NKAIN3: variants seen among roughly 807,000 people sequenced by gnomAD.
The protein encoded by NKAIN3 is sodium/potassium-transporting ATPase subunit beta-1-interacting protein 3.
Under a neutral mutation model 30.2 loss-of-function variants are expected in NKAIN3, and 25 were observed. That is an observed-to-expected ratio of 0.83 (90% CI 0.60 to 1.16). The LOEUF is 1.16. Ranked by LOEUF, NKAIN3 falls within the 50% of genes most tolerant of loss-of-function variation. NKAIN3 has a pLI of 0.00. For synonymous variants in NKAIN3, 91 were observed against 89.6 expected, an observed-to-expected ratio of 1.02 and a Z score of -0.09; for missense variants, 225 against 254.1, an observed-to-expected ratio of 0.89 and a Z score of 0.78.
At chr8:62,368,548 C>G (rs1176582201) in intron 1 of NKAIN3, among the ~76,000 whole-genome samples, 2 of 10,424 alleles carry the variant, frequency 1.9e-4, no homozygotes, top group East Asian at 0.025. Context: ...AAAACCACCA[C>G]AAATACAGCT....
rs1823910743 is a variant in NKAIN3, at chr8:62,974,908, A to G, written c.*9501A>G. Among the ~76,000 whole-genome samples, 1 of 152,202 alleles carries G rather than the reference A, an allele frequency of 6.6e-6. No homozygotes were observed. Among genetic ancestry groups the G allele is most frequent in the Non-Finnish European group, 1.5e-5 (1 of 68,038 alleles). On this transcript the variant is annotated 3_prime_UTR_variant, in exon 7 of 7. Transcript: ENST00000623646. ...TTTGTCGAAGGCCTTTTCCGCATCT[A>G]TTGAGATAATCATGTGGTTTTTGTC...
At chr8:62,987,891 C>T (rs1244763756), downstream of NKAIN3, among the ~76,000 whole-genome samples, 1 of 152,190 alleles carries the variant, frequency 6.6e-6, no homozygotes, top group East Asian at 1.9e-4. Context: ...GGCAAATCCC[C>T]TCTGCCTATG....
chr8:62,437,634 G>T (rs1025571513), intron 1 of NKAIN3, among the ~76,000 whole-genome samples: 1 of 152,090 alleles, frequency 6.6e-6, no homozygotes, highest in Admixed American at 6.6e-5. Context: ...CAACATTTTA[G>T]AATTATTCAG....
Position 62,968,655 on chromosome 8 carries a change from A to T in NKAIN3, c.*3248A>T, listed in dbSNP as rs1046481882. ...CTTCTAGTGCTGACTGGAATGGTGA[A>T]CATTTAAAGCCAGTGTTTTTCCTCT... is the stretch of plus-strand genomic sequence containing the variant. On this transcript the variant is annotated 3_prime_UTR_variant, in exon 7 of 7. Transcript: ENST00000623646. Among the ~76,000 whole-genome samples the T allele has an allele frequency of 3.3e-5, 5 of 152,202 alleles. No individual in the cohort carries two copies. Among genetic ancestry groups the T allele is most frequent in the African/African-American group, 1.2e-4 (5 of 41,454 alleles).
chr8:62,623,464 A>C (rs1243309215), intron 3 of NKAIN3, among the ~76,000 whole-genome samples: 2 of 152,116 alleles, frequency 1.3e-5, no homozygotes, highest in African/African-American at 4.8e-5. Flanking sequence ...ACTTATACAT[A>C]AGTATATGCT....
chr8:62,494,116 A>G (rs181879961), intron 1 of NKAIN3, among the ~76,000 whole-genome samples: 1 of 152,118 alleles, frequency 6.6e-6, no homozygotes, highest in East Asian at 1.9e-4. Context: ...TTCAAGGGAA[A>G]TGTTTCTAGC....
At chr8:62,424,939 G>T (rs1257984567) in intron 1 of NKAIN3, among the ~76,000 whole-genome samples, 1 of 151,786 alleles carries the variant, frequency 6.6e-6, no homozygotes, top group Admixed American at 6.6e-5. Flanking sequence ...TACATACAAT[G>T]AATTATTATT....
intron 4 of NKAIN3, among the ~76,000 whole-genome samples, chr8:62,757,982 A>G (rs1004860213): frequency 1.3e-5 from 2 of 152,184 alleles, no homozygotes; most frequent in Admixed American, 1.3e-4. Context: ...TCAGATATGC[A>G]GAAACAAGTA....
At chr8:62,411,815 A>G (rs1032721549) in intron 1 of NKAIN3, among the ~76,000 whole-genome samples, 1 of 152,202 alleles carries the variant, frequency 6.6e-6, no homozygotes, top group Non-Finnish European at 1.5e-5. Context: ...AATAGCAACA[A>G]AGAAAATGAA....
rs890483453 is a variant in NKAIN3 at position 62,966,355 on chromosome 8, C to A, written c.*948C>A. 1.0e-6 allele frequency: 1 copy of A among 984,742 alleles called. No homozygotes were observed. The highest frequency in any genetic ancestry group is 1.7e-5 in the African/African-American group (1 of 57,304). The allele number at this position is 984,742 out of a possible 1,614,324, so 61.0% of individuals were successfully genotyped here. ...TCTTTCTCCTACCCCTTCCCAATAA[C>A]CAAGAAAATGATATGGGAAGCAATT... On this transcript the variant is annotated 3_prime_UTR_variant, in exon 7 of 7. Coordinates refer to ENST00000623646, the MANE Select transcript of NKAIN3 (RefSeq NM_001304533.3).
chr8:62,629,762 CT>C (rs570715544), intron 3 of NKAIN3, among the ~76,000 whole-genome samples: 1 of 152,018 alleles, frequency 6.6e-6, no homozygotes, highest in Non-Finnish European at 1.5e-5. Flanking sequence ...GTAACATATG[CT>C]TTTTTAGACT....
rs1360451168 is a variant in NKAIN3 at position 62,456,654 on chromosome 8, C to G, written c.55-122885C>G. Reference sequence around the variant, plus strand: ...GGCCTTTTCCCCAACACAGTTTGTACTTTCACCTGGAGCAGCAAGATGTAG... The same window carrying G: ...GGCCTTTTCCCCAACACAGTTTGTAGTTTCACCTGGAGCAGCAAGATGTAG... On this transcript the variant is annotated intron_variant, in intron 1 of 6. Transcript: ENST00000623646. 2.0e-5 allele frequency among the ~76,000 whole-genome samples: 3 copies of G among 152,194 alleles called. No individual in the cohort carries two copies. The East Asian group carries it at 5.8e-4, about 29-fold the overall frequency.
intron 3 of NKAIN3, among the ~76,000 whole-genome samples, chr8:62,719,844 C>T (rs1815031669): frequency 6.6e-6 from 1 of 150,806 alleles, no homozygotes. Context: ...GCAAGCTCCG[C>T]CTCCCAGGTT....
intron 3 of NKAIN3, among the ~76,000 whole-genome samples, chr8:62,656,153 C>T (rs1040933686): frequency 1.3e-5 from 2 of 152,014 alleles, no homozygotes; most frequent in Admixed American, 6.6e-5. Context: ...TTTCAGGAGC[C>T]GATTTTGCTG....
chr8:62,650,633 AT>A (rs1812594226), intron 3 of NKAIN3, among the ~76,000 whole-genome samples: 1 of 152,158 alleles, frequency 6.6e-6, no homozygotes. Context: ...ATAACTAATT[AT>A]ATACCAATAT....
intron 3 of NKAIN3, among the ~76,000 whole-genome samples, chr8:62,662,503 C>CT: frequency 6.6e-6 from 1 of 152,310 alleles, no homozygotes; most frequent in African/African-American, 2.4e-5. Flanking sequence ...TTGCTTATTA[C>CT]TTTTTTTACT....
At chr8:62,801,881 G>A (rs1818076488) in intron 4 of NKAIN3, among the ~76,000 whole-genome samples, 1 of 152,066 alleles carries the variant, frequency 6.6e-6, no homozygotes, top group Non-Finnish European at 1.5e-5. Context: ...AAAAAATTTA[G>A]ACGAATGTAT....
At chr8:62,305,703 C>T (rs1006082211) in intron 1 of NKAIN3, among the ~76,000 whole-genome samples, 4 of 150,456 alleles carry the variant, frequency 2.7e-5, no homozygotes, top group Non-Finnish European at 5.9e-5. Flanking sequence ...GGGCCACAAG[C>T]ACTAAAGTGT....
chr8:62,893,393 G>A (rs1478294143), intron 4 of NKAIN3, among the ~76,000 whole-genome samples: 1 of 152,116 alleles, frequency 6.6e-6, no homozygotes, highest in East Asian at 1.9e-4. Context: ...TAAGAGAAAT[G>A]AAAAACTTGA....
Sources: allele counts gnomAD v4.1 joint callset (sites outside exome capture counted in the v4.1 genomes callset), GRCh38; gene constraint gnomAD v4.1.1; transcripts MANE v1.5; gene names NCBI Gene and HGNC (gene_info 2026-07-23, HGNC 2026-07-21).